MYO7A: variants seen among roughly 807,000 people sequenced by gnomAD.
The protein encoded by MYO7A is myosin VIIA, also known as unconventional myosin-VIIa.
MYO7A carries 210 observed loss-of-function variants against 263.8 expected under a neutral mutation model. The observed-to-expected ratio is 0.80, with a 90% CI of 0.71 to 0.89. The LOEUF (loss-of-function observed/expected upper bound fraction) is 0.89, where lower values mean the gene tolerates loss of function less well. Ranked by LOEUF, MYO7A falls within the 40% of genes least tolerant of loss-of-function variation. The probability of loss-of-function intolerance (pLI) is 0.00; values close to 1 mark genes in which losing one functional copy is unlikely to be tolerated. For synonymous variants in MYO7A, 1,239 were observed against 1,197.3 expected, an observed-to-expected ratio of 1.03 and a Z score of -0.72; for missense variants, 2,820 against 2,968.3, an observed-to-expected ratio of 0.95 and a Z score of 1.16.
chr11:77,131,930 G>C (rs1170251771), intron 2 of MYO7A, among the ~76,000 whole-genome samples: 4 of 152,204 alleles, frequency 2.6e-5, no homozygotes, highest in African/African-American at 9.6e-5. Context: ...GAGTGGGAGG[G>C]CCTTGGGCAC....
intron 27 of MYO7A, among the ~76,000 whole-genome samples, chr11:77,186,423 A>G (rs1955651808): frequency 6.6e-6 from 1 of 152,218 alleles, no homozygotes; most frequent in Admixed American, 6.5e-5. Flanking sequence ...ATCTACATGG[A>G]AAATCTGCTG....
chr11:77,158,441 G>C lies in MYO7A; in HGVS notation c.1003+11G>C. The C allele has an allele frequency of 1.9e-6, 3 of 1,608,818 alleles. No individual in the cohort carries two copies. In the South Asian group the frequency reaches 3.3e-5, roughly 18 times the overall value. On this transcript the variant is annotated intron_variant, in intron 9 of 48. Coordinates refer to ENST00000409709, the MANE Select transcript of MYO7A (RefSeq NM_000260.4). Reference sequence around the variant, plus strand: ...ACCTGCAGTATGAGGGTGAGGCTGCGCCACACTCGCCCTGCCCCACCCCTG... The same window carrying C: ...ACCTGCAGTATGAGGGTGAGGCTGCCCCACACTCGCCCTGCCCCACCCCTG...
rs1555062640 is a variant in MYO7A at position 77,156,764 on chromosome 11, C to G, written c.575C>G (p.Ala192Gly). 3 of 1,614,006 alleles carry G rather than the reference C, an allele frequency of 1.9e-6. No individual in the cohort carries two copies. Among genetic ancestry groups the G allele is most frequent in the Non-Finnish European group, 2.5e-6 (3 of 1,179,888 alleles). ...HSWIEQQVLE[A>G]TPILEAFGNA... ...TGGATTGAGCAGCAGGTCTTGGAGG[C>G]CACCCCCATTCTGGAAGGTAGGACC... The change falls in exon 6 of 49, where the codon GCC (alanine) becomes GGC (glycine). Residue 192 changes from alanine (A) to glycine (G), a missense_variant. Coordinates refer to ENST00000409709, the MANE Select transcript of MYO7A (RefSeq NM_000260.4).
chr11:77,211,305 A>T lies in MYO7A; in HGVS notation c.6205A>T (p.Ile2069Phe), dbSNP rs1046633522. 1.9e-6 allele frequency: 3 copies of T among 1,583,238 alleles called. No homozygotes were observed. Among genetic ancestry groups the T allele is most frequent in the Non-Finnish European group, 2.6e-6 (3 of 1,165,188 alleles). Reference sequence around the variant, plus strand: ...GCGGGAGCTGGTGCCCCAGGACCTTATCCGGCAGGTCTCACCTGATGACTG... The same window carrying T: ...GCGGGAGCTGGTGCCCCAGGACCTTTTCCGGCAGGTCTCACCTGATGACTG... ...LLRELVPQDL[I>F]RQVSPDDWKR... The change falls in exon 45 of 49, where the codon ATC becomes TTC. Residue 2069 changes from isoleucine to phenylalanine, a missense_variant. Transcript: ENST00000409709.
At position 77,175,397 on chromosome 11, in the gene MYO7A, G is replaced by A. The variant is rs782176754; in HGVS notation, c.2120G>A (p.Arg707His). 7.4e-5 allele frequency: 119 copies of A among 1,613,152 alleles called. 1 individual carries two copies. Among genetic ancestry groups the A allele is most frequent in the African/African-American group, 2.3e-4 (17 of 74,914 alleles). ...GGCGACCTCCGCGGGACTTGCCAGC[G>A]CATGGCTGAGGCTGTGCTGGGCACC... ...KQGDLRGTCQ[R>H]MAEAVLGTHD... Residue 707 changes from arginine to histidine, a missense_variant, in exon 18 of 49, where the codon CGC (arginine) becomes CAC (histidine). Arg to His is a conservative substitution (Grantham distance 29). Coordinates refer to ENST00000409709, the MANE Select transcript of MYO7A (RefSeq NM_000260.4).
chr11:77,190,873 A>G lies in MYO7A; in HGVS notation c.3924+3A>G, dbSNP rs751256433. Reference sequence around the variant, plus strand: ...TCTACATTGCCCTGTTTGACAAGGTATGGCCGCCCGGAAGCACCTCCTCCC... The same window carrying G: ...TCTACATTGCCCTGTTTGACAAGGTGTGGCCGCCCGGAAGCACCTCCTCCC... On this transcript the variant is annotated splice_donor_region_variant and intron_variant, in intron 30 of 48. Transcript: ENST00000409709. 6.4e-7 allele frequency: 1 copy of G among 1,555,728 alleles called. No homozygotes were observed. Among genetic ancestry groups the G allele is most frequent in the South Asian group, 1.2e-5 (1 of 84,778 alleles).
intron 5 of MYO7A, 134 bp from the exon 6 acceptor site, chr11:77,156,526 A>C: frequency 1.5e-6 from 2 of 1,312,042 alleles, no homozygotes; most frequent in Non-Finnish European, 2.1e-6. Context: ...GCCCTGCCCC[A>C]GCCCTGGAGG....
intron 8 of MYO7A, among the ~76,000 whole-genome samples, chr11:77,158,055 C>T (rs1011813816): frequency 6.6e-6 from 1 of 152,168 alleles, no homozygotes; most frequent in Non-Finnish European, 1.5e-5. Flanking sequence ...GGCACCAGCA[C>T]CCCCAGATGT....
In MYO7A at chr11:77,147,968, C is replaced by G. The variant is rs782367486; in HGVS notation, c.285+18C>G. On this transcript the variant is annotated intron_variant, in intron 4 of 48. Coordinates refer to ENST00000409709, the MANE Select transcript of MYO7A (RefSeq NM_000260.4). ...TCATCTACGTGAGTGCCGCCCCGCC[C>G]GGTGCCCGTCCAGGCCCCCTCAGGC... 5.4e-5 allele frequency: 83 copies of G among 1,528,128 alleles called. No homozygotes were observed. The African/African-American group carries it at 9.7e-4, about 18-fold the overall frequency. The allele number at this position is 1,528,128 out of a possible 1,614,324, so 94.7% of individuals were successfully genotyped here.
rs191793957 is a variant in MYO7A, at chr11:77,171,074, G to A, written c.1798-1674G>A. ...GCCATGCAGCAATAAAGAGGCAGAC[G>A]CATCCTGTCCTCATGGGGCTCCCAG... On this transcript the variant is annotated intron_variant, in intron 15 of 48. Transcript: ENST00000409709. Among the ~76,000 whole-genome samples, 82 of 152,340 alleles carry A rather than the reference G, an allele frequency of 5.4e-4. 1 individual carries two copies. Among genetic ancestry groups the A allele is most frequent in the Non-Finnish European group, 9.7e-4 (66 of 68,018 alleles).
intron 45 of MYO7A, among the ~76,000 whole-genome samples, 200 bp downstream of exon 45, chr11:77,211,537 C>T (rs1332060180): frequency 6.6e-6 from 1 of 152,148 alleles, no homozygotes; most frequent in Non-Finnish European, 1.5e-5. Flanking sequence ...GGCCACTTGG[C>T]AGTCATTTAT....
At chr11:77,167,311 C>A (rs567617906) in intron 15 of MYO7A, among the ~76,000 whole-genome samples, 5 of 152,252 alleles carry the variant, frequency 3.3e-5, no homozygotes, top group African/African-American at 1.2e-4. Context: ...CCCTTGGAGG[C>A]GTCAATCCCC....
chr11:77,156,523 C>A, intron 5 of MYO7A, 137 bp from the exon 6 acceptor site: 2 of 1,285,418 alleles, frequency 1.6e-6, no homozygotes, highest in African/African-American at 1.5e-5. Flanking sequence ...TGAGCCCTGC[C>A]CCAGCCCTGG....
rs147468060 is a variant in MYO7A, at chr11:77,163,068, C to T, written c.1690+80C>T. 2,020 of 1,489,068 alleles carry T rather than the reference C, an allele frequency of 1.4e-3. 26 individuals carry two copies. The African/African-American group carries it at 0.025, about 19-fold the overall frequency. 92.2% of individuals were successfully genotyped at this position (1,489,068 alleles called of 1,614,324 possible). ...TGCTCCAGCCCAGGAATAAGATATCCGGAATTTTAAAGATTTTTAAAAATT... is the reference window on the plus strand; with the variant it reads ...TGCTCCAGCCCAGGAATAAGATATCTGGAATTTTAAAGATTTTTAAAAATT... On this transcript the variant is annotated intron_variant, in intron 14 of 48. Transcript: ENST00000409709.
rs769992880 is a variant in MYO7A at position 77,211,897 on chromosome 11, T to A, written c.6314T>A (p.Phe2105Tyr). The change falls in exon 46 of 49, where the codon TTC becomes TAC. Residue 2105 changes from phenylalanine to tyrosine, a missense_variant. Coordinates refer to ENST00000409709, the MANE Select transcript of MYO7A (RefSeq NM_000260.4). ...AAGCTGGCCTTCCTGAAGCTCATCT[T>A]CAAGTGGCCCACCTTTGGCTCAGCC... ...EAKLAFLKLI[F>Y]KWPTFGSAFF... 57 of 1,613,844 alleles carry A rather than the reference T, an allele frequency of 3.5e-5. No homozygotes were observed. The highest frequency in any genetic ancestry group is 4.5e-5 in the Non-Finnish European group (53 of 1,179,862).
chr11:77,156,875 C>T lies in MYO7A; in HGVS notation c.606C>T (p.Ala202=). ...ATPILEAFGN[A]KTIRNDNSSR... ...CTCACTCCGCAGCATTTGGGAATGC[C>T]AAGACCATCCGCAATGACAACTCAA... Residue 202 remains alanine (A), a synonymous_variant, in exon 7 of 49, where the codon GCC becomes GCT. Transcript: ENST00000409709. 6.2e-7 allele frequency: 1 copy of T among 1,613,972 alleles called. No individual in the cohort carries two copies. Among genetic ancestry groups the T allele is most frequent in the Non-Finnish European group, 8.5e-7 (1 of 1,179,906 alleles).
chr11:77,168,771 C>T (rs924267709), intron 15 of MYO7A, among the ~76,000 whole-genome samples: 7 of 152,030 alleles, frequency 4.6e-5, no homozygotes, highest in African/African-American at 1.7e-4. Flanking sequence ...TGCACTCCAG[C>T]GTGGGTGACA....
At chr11:77,149,745 G>A (rs1951837360) in intron 4 of MYO7A, among the ~76,000 whole-genome samples, 1 of 152,144 alleles carries the variant, frequency 6.6e-6, no homozygotes, top group African/African-American at 2.4e-5. Context: ...ATAGGAAGTG[G>A]CTTTCGCAGG....
In MYO7A at chr11:77,213,901, G is replaced by A; in HGVS notation, c.6480G>A (p.Trp2160Ter). Residue 2160 changes from tryptophan (W) to a stop codon, truncating the protein, a stop_gained, in exon 48 of 49, where the codon TGG (tryptophan) becomes TGA (stop). Coordinates refer to ENST00000409709, the MANE Select transcript of MYO7A (RefSeq NM_000260.4). LOFTEE classifies it high-confidence loss of function. ...ATCCCTTCACCAAGATCTCCAACTGGAGCAGCGGCAACACCTACTTCCACA... is the reference window on the plus strand; with the variant it reads ...ATCCCTTCACCAAGATCTCCAACTGAAGCAGCGGCAACACCTACTTCCACA... The part of the protein sequence containing the change: ...TTHPFTKISN[W>*]SSGNTYFHIT... 6.2e-7 allele frequency: 1 copy of A among 1,614,074 alleles called. No individual in the cohort carries two copies. The highest frequency in any genetic ancestry group is 8.5e-7 in the Non-Finnish European group (1 of 1,179,912).
Sources: allele counts gnomAD v4.1 joint callset (sites outside exome capture counted in the v4.1 genomes callset), GRCh38; gene constraint gnomAD v4.1.1; transcripts MANE v1.5; gene names NCBI Gene and HGNC (gene_info 2026-07-23, HGNC 2026-07-21).